BIRC6: variants seen among roughly 807,000 people sequenced by gnomAD.
The protein encoded by BIRC6 is baculoviral IAP repeat containing 6.
In BIRC6, 98 loss-of-function variants were observed where a neutral mutation model predicts 503.3. The ratio of observed to expected loss-of-function variants is 0.19; its 90% confidence interval spans 0.17 to 0.23. BIRC6 has a LOEUF of 0.23. Ranked by LOEUF, BIRC6 falls within the 10% of genes least tolerant of loss-of-function variation. The pLI is 1.00. For synonymous variants in BIRC6, 2,240 were observed against 2,078.7 expected (o/e 1.08, Z -2.11); for missense variants, 5,360 against 5,806.0 (o/e 0.92, Z 2.50).
intron 61 of BIRC6, among the ~76,000 whole-genome samples, chr2:32,539,322 G>A (rs2057477264): frequency 6.6e-6 from 1 of 152,130 alleles, no homozygotes; most frequent in African/African-American, 2.4e-5. Flanking sequence ...AGTTGTTGGG[G>A]GAAACGCCCA....
At chr2:32,399,604 A>G (rs923452622) in intron 6 of BIRC6, among the ~76,000 whole-genome samples, 1 of 152,158 alleles carries the variant, frequency 6.6e-6, no homozygotes, top group Non-Finnish European at 1.5e-5. Context: ...CTAATGCCTT[A>G]TAATTATAGC....
chr2:32,505,147 T>C lies in BIRC6; in HGVS notation c.9642T>C (p.Leu3214=). Residue 3214 remains leucine (L), a synonymous_variant, in exon 50 of 74, where the codon CTT becomes CTC. Coordinates refer to ENST00000421745, the MANE Select transcript of BIRC6 (RefSeq NM_016252.4). ...EEAWCDLTIH[L]PAAVLLKEIH... ...CTTGGTGTGACCTTACCATTCACCT[T>C]CCTGCAGCAGTGCTGCTTAAGGAGA... 6.2e-7 allele frequency: 1 copy of C among 1,600,420 alleles called. No individual in the cohort carries two copies.
intron 65 of BIRC6, chr2:32,563,660 T>C (rs1035071412): frequency 1.3e-5 from 2 of 152,236 alleles, no homozygotes; most frequent in African/African-American, 4.8e-5. Flanking sequence ...TAATGGTTGA[T>C]AATTCGGTAC....
chr2:32,508,299 T>TA, intron 51 of BIRC6, 40 bp downstream of exon 51: 1 of 1,298,150 alleles, frequency 7.7e-7, no homozygotes, highest in Non-Finnish European at 1.0e-6. Flanking sequence ...TTTTTTTTTT[T>TA]TTTTGGCATG....
At chr2:32,487,087 G>T (rs1195908198) in intron 40 of BIRC6, among the ~76,000 whole-genome samples, 1 of 151,854 alleles carries the variant, frequency 6.6e-6, no homozygotes, top group Non-Finnish European at 1.5e-5. Flanking sequence ...CCTGCACACA[G>T]CTGTCTCTCT....
chr2:32,478,786 C>G lies in BIRC6; in HGVS notation c.7220C>G (p.Ser2407Cys). Residue 2407 changes from serine (S) to cysteine (C), a missense_variant, in exon 36 of 74, where the codon TCC becomes TGC. This residue lies in a region of BIRC6 where 2,299 missense variants were observed against 2,267.2 expected (regional missense o/e 1.01). Transcript: ENST00000421745. ...ISWGGAWAQY[S>C]LTCMLQDILA... is the part of the protein sequence containing the mutation. ...TGGGGTGGTGCTTGGGCTCAGTATT[C>G]CTTAACTTGCATGCTACAAGATATT... The G allele has an allele frequency of 6.2e-7, 1 of 1,613,166 alleles. No homozygotes were observed. Among genetic ancestry groups the G allele is most frequent in the Non-Finnish European group, 8.5e-7 (1 of 1,179,618 alleles).
intron 10 of BIRC6, among the ~76,000 whole-genome samples, chr2:32,427,312 T>G (rs1253363341): frequency 6.6e-6 from 1 of 151,972 alleles, no homozygotes; most frequent in East Asian, 1.9e-4. Context: ...GACAAAGTCT[T>G]GCTCTTGTCG....
chr2:32,517,432 G>A (rs1223313635), intron 55 of BIRC6, among the ~76,000 whole-genome samples: 1 of 152,152 alleles, frequency 6.6e-6, no homozygotes, highest in Non-Finnish European at 1.5e-5. Flanking sequence ...TGCTAAATAT[G>A]CATTAAAAGG....
At chr2:32,461,335 GC>G (rs1205611929) in intron 23 of BIRC6, among the ~76,000 whole-genome samples, 1 of 142,020 alleles carries the variant, frequency 7.0e-6, no homozygotes, top group African/African-American at 2.8e-5. Flanking sequence ...GTGCCACCAT[GC>G]CTGGCTAGTG....
At chr2:32,602,605 G>A (rs945427173) in intron 70 of BIRC6, 3 of 158,036 alleles carry the variant, frequency 1.9e-5, no homozygotes, top group African/African-American at 4.8e-5. Flanking sequence ...AACACTCAAA[G>A]GTTTGAGGCG....
intron 16 of BIRC6, among the ~76,000 whole-genome samples, chr2:32,440,751 T>TTTTATTATTATTATTATTATTATTATTA (rs773312894): frequency 2.0e-5 from 3 of 147,150 alleles, no homozygotes; most frequent in Non-Finnish European, 3.0e-5. Context: ...TGTTTATTTA[T>TTTTATTATTATTATTATTATTATTATTA]TTATTATTAT....
At chr2:32,367,239 G>T (rs932889595) in intron 1 of BIRC6, among the ~76,000 whole-genome samples, 4 of 152,008 alleles carry the variant, frequency 2.6e-5, no homozygotes, top group Admixed American at 6.6e-5. Context: ...AAGGTGGGTG[G>T]GTCACCTGAG....
At chr2:32,591,390 C>T (rs1346004699) in intron 66 of BIRC6, among the ~76,000 whole-genome samples, 1 of 151,948 alleles carries the variant, frequency 6.6e-6, no homozygotes, top group East Asian at 1.9e-4. Flanking sequence ...ATTTATCATC[C>T]TAACCTTGTG....
At chr2:32,454,909 A>T (rs1239337429) in intron 23 of BIRC6, among the ~76,000 whole-genome samples, 1 of 152,162 alleles carries the variant, frequency 6.6e-6, no homozygotes, top group African/African-American at 2.4e-5. Context: ...TATTTCCTTT[A>T]TATGGTGATT....
At chr2:32,362,161 A>C (rs546483198) in intron 1 of BIRC6, among the ~76,000 whole-genome samples, 10 of 152,208 alleles carry the variant, frequency 6.6e-5, no homozygotes, top group African/African-American at 2.4e-4. Flanking sequence ...TGAATGTTCT[A>C]CTTCCTCACC....
intron 22 of BIRC6, among the ~76,000 whole-genome samples, chr2:32,452,209 A>G (rs1271877531): frequency 6.6e-6 from 1 of 152,202 alleles, no homozygotes; most frequent in East Asian, 1.9e-4. Context: ...CACGTCGAAT[A>G]CGGAGGCAGG....
At chr2:32,414,704 T>C in intron 9 of BIRC6, 65 bp from the exon 10 acceptor site, 1 of 1,104,858 alleles carries the variant, frequency 9.1e-7, no homozygotes, top group Non-Finnish European at 1.3e-6. Context: ...ATTTTACTTG[T>C]GTATTCATAA....
chr2:32,400,487 C>T (rs1573947394), intron 6 of BIRC6, among the ~76,000 whole-genome samples: 1 of 151,776 alleles, frequency 6.6e-6, no homozygotes, highest in East Asian at 1.9e-4. Flanking sequence ...TACGGGCGCC[C>T]ACCACCATGC....
chr2:32,525,334 AT>A, intron 58 of BIRC6, 129 bp from the exon 59 acceptor site: 1 of 998,636 alleles, frequency 1.0e-6, no homozygotes, highest in Non-Finnish European at 1.5e-6. Context: ...TAGATATTGG[AT>A]TAGAAGGAAC....
Sources: gnomAD v4.1 joint callset for allele counts (sites outside exome capture counted in the v4.1 genomes callset) on GRCh38, gnomAD v4.1.1 for gene constraint, gnomAD v4.1.1 regional missense constraint, MANE v1.5 for transcripts, NCBI Gene and HGNC (gene_info 2026-07-23, HGNC 2026-07-21) for gene names.